Variants in HRH2 observed in about 807,000 individuals in gnomAD.
HRH2 encodes the protein histamine H2 receptor.
Under a neutral mutation model 20.1 loss-of-function variants are expected in HRH2, and 4 were observed. The observed-to-expected ratio is 0.20, with a 90% CI of 0.10 to 0.45. HRH2 has a LOEUF of 0.45. HRH2 is among the 20% of genes least tolerant of loss of function. The probability of loss-of-function intolerance (pLI) is 0.99; values close to 1 mark genes in which losing one functional copy is unlikely to be tolerated. For missense variants in HRH2, 250 were observed against 461.6 expected, an observed-to-expected ratio of 0.54 and a Z score of 4.20; for synonymous variants, 197 against 200.7, an observed-to-expected ratio of 0.98 and a Z score of 0.16.
chr5:175,675,659 C>A (rs1213840652), intron 1 of HRH2, among the ~76,000 whole-genome samples: 2 of 152,188 alleles, frequency 1.3e-5, no homozygotes, highest in Admixed American at 1.3e-4. Context: ...CCTCACCCAA[C>A]CCTAGCCTGG....
intron 2 of HRH2, among the ~76,000 whole-genome samples, chr5:175,692,994 C>T (rs946891420): frequency 5.3e-5 from 8 of 152,258 alleles, no homozygotes; most frequent in Middle Eastern, 3.4e-3. Flanking sequence ...GGGCATAGGG[C>T]GGGACTGCAG....
In HRH2 at chr5:175,677,620, C is replaced by G. The variant is rs1260630245; in HGVS notation, c.-525-5089C>G. On this transcript the variant is annotated intron_variant, in intron 1 of 2. Transcript: ENST00000636584. This position sits in a 1 kb window ranked among gnomAD's most constrained non-coding sequence, Gnocchi z 4.2. ...GCAACCCCAAAATAACCCCTCCCAG[C>G]CCATTTTGGGCTGCTCCTTGGGTGC... Among the ~76,000 whole-genome samples the G allele has an allele frequency of 6.6e-6, 1 of 152,224 alleles. No individual in the cohort carries two copies. The highest frequency in any genetic ancestry group is 1.5e-5 in the Non-Finnish European group (1 of 68,038).
chr5:175,699,410 C>T (rs112774233), intron 2 of HRH2, among the ~76,000 whole-genome samples: 2 of 152,208 alleles, frequency 1.3e-5, no homozygotes, highest in African/African-American at 4.8e-5. Flanking sequence ...CCCCTCTCCT[C>T]CCCAACCTCC....
chr5:175,706,406 T>G (rs1045919357), intron 2 of HRH2, among the ~76,000 whole-genome samples: 2 of 152,264 alleles, frequency 1.3e-5, no homozygotes, highest in African/African-American at 2.4e-5. Context: ...CTGAATTTGT[T>G]ACTATGAACA....
rs1181062805 is a variant in HRH2, at chr5:175,686,143, C to T, written c.1076+1834C>T. The T allele has an allele frequency of 1.3e-5, 2 of 152,304 alleles. No homozygotes were observed. The highest frequency in any genetic ancestry group is 4.8e-5 in the African/African-American group (2 of 41,442). 9.4% of individuals were successfully genotyped at this position (152,304 alleles called of 1,614,324 possible). On this transcript the variant is annotated intron_variant, in intron 2 of 2. Transcript: ENST00000636584. This position sits in a 1 kb window ranked among gnomAD's most constrained non-coding sequence, Gnocchi z 4.7. ...TCCTGATGGGTAAAACGCCCACCTA[C>T]CATATCCTTGCGCAATCTCTTATTC...
At chr5:175,672,157 T>TAA (rs1242945903) in intron 1 of HRH2, among the ~76,000 whole-genome samples, 1 of 152,190 alleles carries the variant, frequency 6.6e-6, no homozygotes, top group East Asian at 1.9e-4. Context: ...ATATGAAACT[T>TAA]GCTTGAGGTA....
chr5:175,695,843 G>A (rs1330934343), intron 2 of HRH2, among the ~76,000 whole-genome samples: 3 of 152,252 alleles, frequency 2.0e-5, no homozygotes, highest in Non-Finnish European at 4.4e-5. Context: ...GGCTGAGGAG[G>A]AACCATCTGA....
rs1317059765 is a variant in HRH2 at position 175,684,167 on chromosome 5, T to A, written c.934T>A (p.Ser312Thr). The A allele has an allele frequency of 6.2e-7, 1 of 1,614,038 alleles. No homozygotes were observed. The highest frequency in any genetic ancestry group is 1.1e-5 in the South Asian group (1 of 91,084). The change falls in exon 2 of 3, where the codon TCC (serine) becomes ACC (threonine). Residue 312 changes from serine (S) to threonine (T), a missense_variant. Ser to Thr is a moderately conservative substitution (Grantham distance 58). Around this residue, in one of 5 missense-constraint regions of HRH2, gnomAD observed 55 missense variants for 66.9 expected, o/e 0.82. Transcript: ENST00000636584. ...LFCCRLANRN[S>T]HKTSLRSNAS... is the part of the protein sequence containing the mutation. Reference sequence around the variant, plus strand: ...CTGCTGCAGGCTGGCCAACCGCAACTCCCACAAAACTTCTCTGAGGTCCAA... The same window carrying A: ...CTGCTGCAGGCTGGCCAACCGCAACACCCACAAAACTTCTCTGAGGTCCAA...
rs1757043991 is a variant in HRH2 at position 175,709,863 on chromosome 5, C to G, written c.*1892C>G. On this transcript the variant is annotated 3_prime_UTR_variant, in exon 3 of 3. Coordinates refer to ENST00000636584, the MANE Select transcript of HRH2 (RefSeq NM_001367711.1). ...ACCATCTTCAGCCCAGCCCTCAGGCCCTGTGTGCTGGGACCCTGCTGGGCC... is the reference window on the plus strand; with the variant it reads ...ACCATCTTCAGCCCAGCCCTCAGGCGCTGTGTGCTGGGACCCTGCTGGGCC... The G allele has an allele frequency of 6.6e-6, 1 of 152,546 alleles. No homozygotes were observed. The highest frequency in any genetic ancestry group is 6.5e-5 in the Admixed American group (1 of 15,286). 9.4% of individuals were successfully genotyped at this position (152,546 alleles called of 1,614,324 possible). A position where few individuals can be genotyped will look rare whatever the true frequency, so the allele number is the denominator to read the frequency against.
intron 1 of HRH2, among the ~76,000 whole-genome samples, chr5:175,667,327 G>A (rs775108649): frequency 2.0e-5 from 3 of 151,870 alleles, no homozygotes; most frequent in Non-Finnish European, 2.9e-5. Flanking sequence ...GCCTGTAATC[G>A]CAGCTACTCA....
chr5:175,707,812 C>A lies in HRH2; in HGVS notation c.1110C>A (p.Ser370Arg). The A allele has an allele frequency of 2.5e-6, 1 of 399,270 alleles. No homozygotes were observed. The highest frequency in any genetic ancestry group is 4.4e-6 in the Non-Finnish European group (1 of 226,212). The allele number at this position is 399,270 out of a possible 1,614,324, so 24.7% of individuals were successfully genotyped here. A position where few individuals can be genotyped will look rare whatever the true frequency, so the allele number is the denominator to read the frequency against. Residue 370 changes from serine to arginine, a missense_variant, in exon 3 of 3, where the codon AGC becomes AGA. Coordinates refer to ENST00000636584, the MANE Select transcript of HRH2 (RefSeq NM_001367711.1). The stretch of plus-strand genomic sequence containing the variant: ...CACTGTCCTGCACTACGTGCTCCAG[C>A]AACCTCCTGAGCTGCTGCAAGAGCC... ...KPALSCTTCS[S>R]NLLSCCKSLW...
intron 2 of HRH2, among the ~76,000 whole-genome samples, chr5:175,688,154 G>C (rs1026392131): frequency 6.6e-6 from 1 of 152,192 alleles, no homozygotes; most frequent in Non-Finnish European, 1.5e-5. Flanking sequence ...AAAGACACTC[G>C]CAATTGCACG....
chr5:175,666,667 G>A (rs1204843332), intron 1 of HRH2, among the ~76,000 whole-genome samples: 1 of 152,102 alleles, frequency 6.6e-6, no homozygotes, highest in African/African-American at 2.4e-5. Flanking sequence ...CTGGGCTCAA[G>A]CGATCCACCC....
At chr5:175,706,637 G>A (rs966834828) in intron 2 of HRH2, among the ~76,000 whole-genome samples, 19 of 152,200 alleles carry the variant, frequency 1.2e-4, no homozygotes, top group Admixed American at 1.2e-3. Flanking sequence ...GGTAAAGGAC[G>A]CCCACAGGCT....
rs1406011217 is a variant in HRH2, at chr5:175,686,984, G to A, written c.1076+2675G>A. ...GTGGGCACCCTGGGTGGGAGGCTGTGAAGAAACCAGGGCCAGCAGAGAGGT... is the reference window on the plus strand; with the variant it reads ...GTGGGCACCCTGGGTGGGAGGCTGTAAAGAAACCAGGGCCAGCAGAGAGGT... On this transcript the variant is annotated intron_variant, in intron 2 of 2. Coordinates refer to ENST00000636584, the MANE Select transcript of HRH2 (RefSeq NM_001367711.1). This position sits in a 1 kb window ranked among gnomAD's most constrained non-coding sequence, Gnocchi z 4.7. Among the ~76,000 whole-genome samples the A allele has an allele frequency of 1.3e-5, 2 of 152,264 alleles. No individual in the cohort carries two copies. Among genetic ancestry groups the A allele is most frequent in the South Asian group, 2.1e-4 (1 of 4,824 alleles).
chr5:175,702,548 T>TA (rs1189199758), intron 2 of HRH2, among the ~76,000 whole-genome samples: 2 of 132,160 alleles, frequency 1.5e-5, no homozygotes, highest in African/African-American at 5.9e-5. Context: ...ATACCATCTT[T>TA]TTTTTTTTTT....
chr5:175,693,279 T>A lies in HRH2; in HGVS notation c.1076+8970T>A, dbSNP rs1490836271. Among the ~76,000 whole-genome samples, 1 of 151,952 alleles carries A rather than the reference T, an allele frequency of 6.6e-6. No homozygotes were observed. The highest frequency in any genetic ancestry group is 2.4e-5 in the African/African-American group (1 of 41,306). ...AAGGGGGTGTGCCTGCATTGCAGGG[T>A]GTGCACAGCCCTTGAGGCTCTCCTG... On this transcript the variant is annotated intron_variant, in intron 2 of 2. Coordinates refer to ENST00000636584, the MANE Select transcript of HRH2 (RefSeq NM_001367711.1). The surrounding 1 kb of genome is among the most constrained non-coding windows in gnomAD (Gnocchi z 4.4).
rs560329064 is a variant in HRH2, at chr5:175,700,243, G to A, written c.1077-7536G>A. On this transcript the variant is annotated intron_variant, in intron 2 of 2. Transcript: ENST00000636584. ...GCTCTTACAGGCTGGCGGTGAGAAGGTAGATGGTGAAATAAAGCCAGAAAG... is the reference window on the plus strand; with the variant it reads ...GCTCTTACAGGCTGGCGGTGAGAAGATAGATGGTGAAATAAAGCCAGAAAG... Among the ~76,000 whole-genome samples, 3 of 152,356 alleles carry A rather than the reference G, an allele frequency of 2.0e-5. No individual in the cohort carries two copies. In the East Asian group the frequency reaches 5.8e-4, roughly 29 times the overall value.
intron 1 of HRH2, among the ~76,000 whole-genome samples, chr5:175,669,285 A>AT (rs982862348): frequency 6.6e-6 from 1 of 151,268 alleles, no homozygotes; most frequent in African/African-American, 2.4e-5. Context: ...ACCGTATAAT[A>AT]TTTTTTGTTC....
Sources: gnomAD v4.1 joint callset for allele counts (sites outside exome capture counted in the v4.1 genomes callset) on GRCh38, gnomAD v4.1.1 for gene constraint, gnomAD v4.1.1 regional missense constraint, Gnocchi (gnomAD v3.1) non-coding constraint, MANE v1.5 for transcripts, NCBI Gene and HGNC (gene_info 2026-07-23, HGNC 2026-07-21) for gene names.